Variants in COL28A1 observed in about 807,000 individuals in gnomAD.
COL28A1 encodes the protein collagen type XXVIII alpha 1 chain.
Under a neutral mutation model 150.2 loss-of-function variants are expected in COL28A1, and 161 were observed. That is an observed-to-expected ratio of 1.07 (90% CI 0.94 to 1.22). COL28A1 has a LOEUF of 1.22. Among genes scored for constraint, COL28A1 ranks in the 50% most tolerant of loss-of-function variants. The pLI is 0.00. For missense variants in COL28A1, 1,617 were observed against 1,388.3 expected (o/e 1.16, Z -2.62); for synonymous variants, 552 against 469.7 (o/e 1.18, Z -2.26).
At chr7:7,530,286 G>C (rs568367654) in intron 3 of COL28A1, among the ~76,000 whole-genome samples, 1 of 152,242 alleles carries the variant, frequency 6.6e-6, no homozygotes, top group Admixed American at 6.5e-5. Context: ...TACAGAGAGA[G>C]TACTCAATAC....
chr7:7,482,813 G>T (rs533527342), intron 13 of COL28A1, among the ~76,000 whole-genome samples: 10 of 152,256 alleles, frequency 6.6e-5, no homozygotes, highest in East Asian at 3.9e-4. Flanking sequence ...AAGAGAAATT[G>T]CAGGGTTCAA....
At chr7:7,482,315 A>G (rs1779373273) in intron 13 of COL28A1, among the ~76,000 whole-genome samples, 1 of 152,148 alleles carries the variant, frequency 6.6e-6, no homozygotes, top group Admixed American at 6.5e-5. Context: ...ACCTGAGGTC[A>G]GGAGTTCGAG....
chr7:7,361,428 C>A (rs1780649787), intron 33 of COL28A1, among the ~76,000 whole-genome samples: 1 of 152,188 alleles, frequency 6.6e-6, no homozygotes, highest in Non-Finnish European at 1.5e-5. Flanking sequence ...CTGTCTTCCA[C>A]AATGGTTGAA....
chr7:7,524,980 G>C (rs192151134), intron 3 of COL28A1, among the ~76,000 whole-genome samples: 1 of 152,188 alleles, frequency 6.6e-6, no homozygotes, highest in Non-Finnish European at 1.5e-5. Flanking sequence ...TAAAAATTTT[G>C]AACTGTTCAT....
chr7:7,463,498 G>C (rs943784891), intron 15 of COL28A1, among the ~76,000 whole-genome samples: 4 of 152,174 alleles, frequency 2.6e-5, no homozygotes, highest in African/African-American at 4.8e-5. Flanking sequence ...CAAGCTAGAA[G>C]GGATTGGGGT....
intron 33 of COL28A1, among the ~76,000 whole-genome samples, chr7:7,369,398 T>A (rs779798701): frequency 6.6e-6 from 1 of 152,280 alleles, no homozygotes; most frequent in South Asian, 2.1e-4. Context: ...TCTATGGCTA[T>A]GTTTCTACTT....
chr7:7,411,281 G>C (rs983892039), intron 27 of COL28A1, among the ~76,000 whole-genome samples: 28 of 152,256 alleles, frequency 1.8e-4, no homozygotes, highest in African/African-American at 6.5e-4. Flanking sequence ...ACAGAGTCAA[G>C]AATCTTATAA....
chr7:7,397,568 T>G (rs1356016779), intron 27 of COL28A1, among the ~76,000 whole-genome samples: 8 of 152,236 alleles, frequency 5.3e-5, no homozygotes, highest in Admixed American at 1.3e-4. Flanking sequence ...GATCATATCA[T>G]GAATATGTGT....
chr7:7,398,683 C>T (rs1045265343), intron 27 of COL28A1, among the ~76,000 whole-genome samples: 55 of 152,304 alleles, frequency 3.6e-4, no homozygotes, highest in African/African-American at 1.3e-3. Context: ...TAAAACCTGC[C>T]AAATTTCATG....
chr7:7,461,874 T>A (rs56022797), intron 15 of COL28A1, among the ~76,000 whole-genome samples: 17,697 of 152,088 alleles, frequency 0.12, 1,120 homozygotes, highest in Middle Eastern at 0.21. Flanking sequence ...ACCTGTTCCT[T>A]CCCATACTAC....
chr7:7,532,491 G>A (rs1053986905), intron 2 of COL28A1, among the ~76,000 whole-genome samples: 4 of 151,994 alleles, frequency 2.6e-5, no homozygotes, highest in African/African-American at 9.7e-5. Flanking sequence ...TCTACACTAT[G>A]AGTGGCAATC....
intron 1 of COL28A1, among the ~76,000 whole-genome samples, chr7:7,534,002 G>A (rs972051441): frequency 1.3e-5 from 2 of 152,128 alleles, no homozygotes; most frequent in Non-Finnish European, 2.9e-5. Context: ...GATTTTTCCA[G>A]ACTCTGAGTA....
chr7:7,348,245 C>T, the COL28A1 span, among the ~76,000 whole-genome samples: 10 of 152,062 alleles, frequency 6.6e-5, no homozygotes, highest in South Asian at 4.2e-4. Context: ...ATCATTGGAG[C>T]GATTCTAGCT....
chr7:7,479,229 T>C (rs17168127), intron 13 of COL28A1, among the ~76,000 whole-genome samples: 14,844 of 152,270 alleles, frequency 0.097, 895 homozygotes, highest in Middle Eastern at 0.21. Context: ...TTAGTGAGAA[T>C]CCTTCTAGTC....
intron 33 of COL28A1, among the ~76,000 whole-genome samples, chr7:7,364,982 A>G (rs766851171): frequency 5.3e-5 from 8 of 152,166 alleles, no homozygotes; most frequent in Non-Finnish European, 1.2e-4. Flanking sequence ...GCATTATTTA[A>G]TTCCTCTAGA....
chr7:7,432,422 C>T (rs746835001), intron 25 of COL28A1, 51 bp downstream of exon 25: 3 of 1,472,126 alleles, frequency 2.0e-6, no homozygotes, highest in South Asian at 2.3e-5. Flanking sequence ...AAGTCACCTA[C>T]CTATAGGTGC....
At chr7:7,414,028 A>T (rs935190344) in intron 27 of COL28A1, among the ~76,000 whole-genome samples, 1 of 152,202 alleles carries the variant, frequency 6.6e-6, no homozygotes, top group East Asian at 1.9e-4. Context: ...GAACGGACTT[A>T]AACAAGGATG....
chr7:7,481,504 C>G (rs550884646), intron 13 of COL28A1, among the ~76,000 whole-genome samples: 32 of 152,272 alleles, frequency 2.1e-4, no homozygotes, highest in Non-Finnish European at 3.7e-4. Flanking sequence ...AGAAATCCTT[C>G]TATTAAAAAA....
intron 27 of COL28A1, among the ~76,000 whole-genome samples, chr7:7,396,862 TA>T (rs1782862134): frequency 6.6e-6 from 1 of 152,236 alleles, no homozygotes; most frequent in East Asian, 1.9e-4. Flanking sequence ...AGTCTGTTCC[TA>T]AAAACAGTTT....
Sources: gnomAD v4.1 joint callset for allele counts (sites outside exome capture counted in the v4.1 genomes callset) on GRCh38, gnomAD v4.1.1 for gene constraint, MANE v1.5 for transcripts, NCBI Gene and HGNC (gene_info 2026-07-23, HGNC 2026-07-21) for gene names.